DHRS2: variants seen among roughly 807,000 people sequenced by gnomAD.
The protein encoded by DHRS2 is dehydrogenase/reductase SDR family member 2, mitochondrial.
DHRS2 carries 29 observed loss-of-function variants against 26.3 expected under a neutral mutation model. The observed-to-expected ratio is 1.10, with a 90% confidence interval of 0.82 to 1.50. The LOEUF (loss-of-function observed/expected upper bound fraction) is 1.50, where lower values mean the gene tolerates loss of function less well. Among genes scored for constraint, DHRS2 ranks in the 40% most tolerant of loss-of-function variants. The probability of loss-of-function intolerance (pLI) is 0.00; values close to 1 mark genes in which losing one functional copy is unlikely to be tolerated. For missense variants in DHRS2, 439 were observed against 367.1 expected, an observed-to-expected ratio of 1.20 and a Z score of -1.60; for synonymous variants, 164 against 151.3, an observed-to-expected ratio of 1.08 and a Z score of -0.62.
intron 3 of DHRS2, 151 bp from the exon 4 acceptor site, chr14:23,639,642 GC>G (rs1266796382): frequency 1.1e-6 from 1 of 882,752 alleles, no homozygotes. Context: ...CTCTCTCAGT[GC>G]CTGGCCCCAG....
rs376679983 is a variant in DHRS2 at position 23,643,249 on chromosome 14, G to A, written c.488+30G>A. The A allele has an allele frequency of 1.1e-4, 169 of 1,609,288 alleles. 2 individuals carry two copies. The highest frequency in any genetic ancestry group is 2.3e-4 in the South Asian group (21 of 90,878). On this transcript the variant is annotated intron_variant, in intron 5 of 8. Coordinates refer to ENST00000250383, the MANE Select transcript of DHRS2 (RefSeq NM_005794.4). ...GGCAGGGCGGGGGTGGGGACCAGTC[G>A]GAGTTGGGGACCTGAGGTGGGCACA...
intron 7 of DHRS2, 31 bp from the exon 8 acceptor site, chr14:23,644,796 A>T (rs541217991): frequency 6.2e-7 from 1 of 1,612,844 alleles, no homozygotes; most frequent in Non-Finnish European, 8.5e-7. Flanking sequence ...TTTTAGTAGC[A>T]CTGACTCCTT....
chr14:23,642,508 T>A (rs989290188), intron 4 of DHRS2: 6 of 152,420 alleles, frequency 3.9e-5, no homozygotes, highest in Non-Finnish European at 8.8e-5. Flanking sequence ...TTCTAGCACC[T>A]GCTTCCCCTC....
chr14:23,643,111 C>A (rs779649385), intron 4 of DHRS2, 41 bp from the exon 5 acceptor site: 1 of 1,604,058 alleles, frequency 6.2e-7, no homozygotes, highest in South Asian at 1.1e-5. Flanking sequence ...TTGGGCTGAC[C>A]ATGTCTCTCT....
In DHRS2 at chr14:23,643,017, AG is replaced by A. The variant is rs1266836995; in HGVS notation, c.421-130del. ...GGAAATACCTCTTGCACCAGTCAGA[AG>A]GGGGATTGGTTTCTCTTATATGCAC... On this transcript the variant is annotated intron_variant, in intron 4 of 8. Coordinates refer to ENST00000250383, the MANE Select transcript of DHRS2 (RefSeq NM_005794.4). 21 of 813,884 alleles carry A rather than the reference AG, an allele frequency of 2.6e-5. No homozygotes were observed. The Admixed American group carries it at 2.8e-4, about 11-fold the overall frequency. 50.4% of individuals were successfully genotyped at this position (813,884 alleles called of 1,614,324 possible). A position where few individuals can be genotyped will look rare whatever the true frequency, so the allele number is the denominator to read the frequency against.
intron 1 of DHRS2, among the ~76,000 whole-genome samples, chr14:23,637,792 T>G (rs1890400922): frequency 6.6e-6 from 1 of 152,198 alleles, no homozygotes; most frequent in Admixed American, 6.5e-5. Context: ...ATCAGCACTC[T>G]GTGTCTAGCT....
rs1890844863 is a variant in DHRS2, at chr14:23,645,556, C to A, written c.*303C>A. 2 of 455,028 alleles carry A rather than the reference C, an allele frequency of 4.4e-6. No homozygotes were observed. Among genetic ancestry groups the A allele is most frequent in the Non-Finnish European group, 7.8e-6 (2 of 257,790 alleles). The allele number at this position is 455,028 out of a possible 1,614,324, so 28.2% of individuals were successfully genotyped here. ...TAAGGGAAAGGAGTAGAAGCTCAGG[C>A]CTTTGAAGGATTTCAGCTCCTCCTC... On this transcript the variant is annotated 3_prime_UTR_variant, in exon 9 of 9. Coordinates refer to ENST00000250383, the MANE Select transcript of DHRS2 (RefSeq NM_005794.4).
intron 2 of DHRS2, 61 bp downstream of exon 2, chr14:23,639,065 G>C: frequency 6.3e-7 from 1 of 1,597,840 alleles, no homozygotes; most frequent in Non-Finnish European, 8.5e-7. Flanking sequence ...CTTCCACAAG[G>C]ACTCAGGGTT....
chr14:23,632,870 C>G (rs987042139), upstream of DHRS2, among the ~76,000 whole-genome samples: 2 of 152,218 alleles, frequency 1.3e-5, no homozygotes, highest in African/African-American at 4.8e-5. Context: ...CTTCACCTTC[C>G]TGGCACTGTC....
chr14:23,644,852 A>G lies in DHRS2; in HGVS notation c.701A>G (p.Lys234Arg), dbSNP rs1340395565. The G allele has an allele frequency of 6.2e-7, 1 of 1,614,242 alleles. No individual in the cohort carries two copies. The highest frequency in any genetic ancestry group is 8.5e-7 in the Non-Finnish European group (1 of 1,180,050). The change falls in exon 8 of 9, where the codon AAG (lysine) becomes AGG (arginine). Residue 234 changes from lysine (K) to arginine (R), a missense_variant. Lys to Arg is a conservative substitution (Grantham distance 26). Coordinates refer to ENST00000250383, the MANE Select transcript of DHRS2 (RefSeq NM_005794.4). Reference protein sequence around the residue: ...KVFHGNESLWKNFKEHHQLQR... With the variant: ...KVFHGNESLWRNFKEHHQLQR... ...TTTCATGGGAATGAGTCTCTCTGGAAGAACTTCAAGGAACATCATCAGCTG... is the reference window on the plus strand; with the variant it reads ...TTTCATGGGAATGAGTCTCTCTGGAGGAACTTCAAGGAACATCATCAGCTG...
chr14:23,639,129 A>T (rs113010522), intron 2 of DHRS2, 50 bp from the exon 3 acceptor site: 1 of 1,603,796 alleles, frequency 6.2e-7, no homozygotes, highest in African/African-American at 1.3e-5. Flanking sequence ...TAGAGGAAGG[A>T]CAGTGGAGAG....
intron 4 of DHRS2, 40 bp downstream of exon 4, chr14:23,639,935 T>C (rs143821965): frequency 6.7e-7 from 1 of 1,500,774 alleles, no homozygotes; most frequent in South Asian, 1.3e-5. Flanking sequence ...AGGGCCCGAT[T>C]CCAGCTCTGC....
Position 23,636,707 on chromosome 14 carries a change from C to T in DHRS2, c.-104C>T, listed in dbSNP as rs1890309880. 1 of 152,056 alleles carries T rather than the reference C, an allele frequency of 6.6e-6. No individual in the cohort carries two copies. Among genetic ancestry groups the T allele is most frequent in the Non-Finnish European group, 1.5e-5 (1 of 67,928 alleles). 9.4% of individuals were successfully genotyped at this position (152,056 alleles called of 1,614,324 possible). A position where few individuals can be genotyped will look rare whatever the true frequency, so the allele number is the denominator to read the frequency against. ...ACCAAGTGGTGAGACTATTGCCAAG[C>T]AGTGAGACTATTGCCAAGTGGTGAG... On this transcript the variant is annotated 5_prime_UTR_variant, in exon 1 of 9. Transcript: ENST00000250383.
chr14:23,639,279 C>G lies in DHRS2; in HGVS notation c.241C>G (p.Gln81Glu), dbSNP rs780425610. The change falls in exon 3 of 9, where the codon CAG becomes GAG. Residue 81 changes from glutamine to glutamate, a missense_variant. Physicochemically the swap from Gln to Glu is conservative, Grantham distance 29. Transcript: ENST00000250383. ...CGTGGACCGGGCCATGGCCAAGCTGCAGGGGGAGGGGCTGAGTGTGGCGGG... is the reference window on the plus strand; with the variant it reads ...CGTGGACCGGGCCATGGCCAAGCTGGAGGGGGAGGGGCTGAGTGTGGCGGG... ...QNVDRAMAKL[Q>E]GEGLSVAGIV... The G allele has an allele frequency of 6.5e-5, 104 of 1,609,840 alleles. No homozygotes were observed. Among genetic ancestry groups the G allele is most frequent in the Middle Eastern group, 3.3e-4 (2 of 6,040 alleles).
In DHRS2 at chr14:23,645,415, A is replaced by G; in HGVS notation, c.*162A>G. The G allele has an allele frequency of 6.9e-7, 1 of 1,451,784 alleles. No individual in the cohort carries two copies. The highest frequency in any genetic ancestry group is 9.3e-7 in the Non-Finnish European group (1 of 1,075,584). 89.9% of individuals were successfully genotyped at this position (1,451,784 alleles called of 1,614,324 possible). A position where few individuals can be genotyped will look rare whatever the true frequency, so the allele number is the denominator to read the frequency against. On this transcript the variant is annotated 3_prime_UTR_variant, in exon 9 of 9. Transcript: ENST00000250383. The stretch of plus-strand genomic sequence containing the variant: ...TGAGGAAGAAGAAAAACGCTTCGGC[A>G]TTCTCCTTAGGACTTATCTGCTTGT...
chr14:23,642,098 T>G, intron 4 of DHRS2: 1 of 1,059,132 alleles, frequency 9.4e-7, no homozygotes, highest in Non-Finnish European at 1.1e-6. Flanking sequence ...GATTCAGACT[T>G]TAGTCACAAG....
chr14:23,631,030 T>C (rs572077317), intron 1 of DHRS2, among the ~76,000 whole-genome samples: 1 of 152,346 alleles, frequency 6.6e-6, no homozygotes, highest in South Asian at 2.1e-4. Flanking sequence ...TGCCAGACTC[T>C]TAGTTAAATC....
chr14:23,644,785 G>A (rs780082045), intron 7 of DHRS2, 42 bp from the exon 8 acceptor site: 3 of 1,609,252 alleles, frequency 1.9e-6, no homozygotes, highest in East Asian at 2.2e-5. Context: ...TGCCCATCTT[G>A]TTTTAGTAGC....
In DHRS2 at chr14:23,638,981, C is replaced by CGTGACTG. The variant is rs747195917; in HGVS notation, c.120_121insACTGGTG (p.Val41ThrfsTer60). Reference sequence around the variant, plus strand: ...AGGGCGTCCTGGCTAACCGGGTAGCCGTGGTCACGGGGTCCACCAGTGGGT... The same window carrying CGTGACTG: ...AGGGCGTCCTGGCTAACCGGGTAGCCGTGACTGGTGGTCACGGGGTCCACCAGTGGGT... On this transcript the variant is annotated frameshift_variant, in exon 2 of 9. Coordinates refer to ENST00000250383, the MANE Select transcript of DHRS2 (RefSeq NM_005794.4). LOFTEE classifies it high-confidence loss of function. 1 of 1,613,560 alleles carries CGTGACTG rather than the reference C, an allele frequency of 6.2e-7. No individual in the cohort carries two copies. The highest frequency in any genetic ancestry group is 1.1e-5 in the South Asian group (1 of 91,038).
Sources: gnomAD v4.1 joint callset for allele counts (sites outside exome capture counted in the v4.1 genomes callset) on GRCh38, gnomAD v4.1.1 for gene constraint, MANE v1.5 for transcripts, NCBI Gene and HGNC (gene_info 2026-07-23, HGNC 2026-07-21) for gene names.